The following MICU2 variants were observed in gnomAD, a reference collection of about 807,000 sequenced individuals.
MICU2 encodes the protein calcium uptake protein 2, mitochondrial.
A neutral mutation model predicts 60.4 loss-of-function variants in MICU2; 64 were observed. The ratio of observed to expected loss-of-function variants is 1.06; its 90% CI spans 0.87 to 1.31. The LOEUF (loss-of-function observed/expected upper bound fraction) is 1.31, where lower values mean the gene tolerates loss of function less well. Among genes scored for constraint, MICU2 ranks in the 50% most tolerant of loss-of-function variants. The pLI is 0.00. For synonymous variants in MICU2, 201 were observed against 175.0 expected (o/e 1.15, Z -1.17); for missense variants, 569 against 531.0 (o/e 1.07, Z -0.70).
chr13:21,515,662 T>C (rs1164513192), intron 6 of MICU2: 2 of 305,018 alleles, frequency 6.6e-6, no homozygotes, highest in East Asian at 8.0e-5. Context: ...GACAAACCTC[T>C]ATCCATTTTT....
intron 2 of MICU2, among the ~76,000 whole-genome samples, chr13:21,545,493 C>T (rs967883404): frequency 6.6e-6 from 1 of 152,128 alleles, no homozygotes; most frequent in Non-Finnish European, 1.5e-5. Flanking sequence ...CCAGCCTGAC[C>T]AGCGTGGTGA....
intron 4 of MICU2, among the ~76,000 whole-genome samples, chr13:21,523,030 T>C (rs1054699276): frequency 3.9e-5 from 6 of 152,192 alleles, no homozygotes; most frequent in African/African-American, 1.2e-4. Context: ...ATCCACTCTG[T>C]TGAACAAAAA....
At chr13:21,517,010 T>G (rs1167518996) in intron 6 of MICU2, among the ~76,000 whole-genome samples, 3 of 152,210 alleles carry the variant, frequency 2.0e-5, no homozygotes, top group Non-Finnish European at 4.4e-5. Flanking sequence ...AAGGTAAAGA[T>G]TAAATGGATT....
intron 1 of MICU2, among the ~76,000 whole-genome samples, chr13:21,593,715 A>C (rs1163104958): frequency 6.6e-6 from 1 of 152,188 alleles, no homozygotes; most frequent in Non-Finnish European, 1.5e-5. Context: ...CAGAGACCTC[A>C]GAAATAATGC....
chr13:21,524,074 CAG>C (rs1886790470), intron 4 of MICU2, among the ~76,000 whole-genome samples: 1 of 151,914 alleles, frequency 6.6e-6, no homozygotes, highest in African/African-American at 2.4e-5. Context: ...GCTGCTTACA[CAG>C]AAACGATATC....
At chr13:21,530,914 G>C (rs1344910785) in intron 4 of MICU2, 2 of 760,006 alleles carry the variant, frequency 2.6e-6, no homozygotes, top group East Asian at 4.9e-5. Flanking sequence ...TATAGATCTA[G>C]TGCTGCAGAA....
chr13:21,525,181 A>ATTTTTTTTTTTT lies in MICU2; in HGVS notation c.467-2543_467-2532dup, dbSNP rs71093324. On this transcript the variant is annotated intron_variant, in intron 4 of 11. Coordinates refer to ENST00000382374, the MANE Select transcript of MICU2 (RefSeq NM_152726.3). ...TCATACAGTAATGCTGTGTAATTCA[A>ATTTTTTTTTTTT]TTTTTTTTTTTTTTTTTTTTTTTTT... 2.3e-4 allele frequency among the ~76,000 whole-genome samples: 19 copies of ATTTTTTTTTTTT among 83,306 alleles called. 3 individuals carry two copies. Among genetic ancestry groups the ATTTTTTTTTTTT allele is most frequent in the African/African-American group, 9.3e-4 (18 of 19,404 alleles). 54.7% of individuals were successfully genotyped at this position (83,306 alleles called of 152,430 possible). A position where few individuals can be genotyped will look rare whatever the true frequency, so the allele number is the denominator to read the frequency against.
intron 2 of MICU2, among the ~76,000 whole-genome samples, chr13:21,554,038 C>T (rs1050315207): frequency 4.6e-5 from 7 of 152,118 alleles, no homozygotes; most frequent in African/African-American, 1.7e-4. Flanking sequence ...AAAGCAAGTC[C>T]TTAGTGACCT....
chr13:21,514,291 T>C (rs1886506296), intron 7 of MICU2, 62 bp downstream of exon 7: 1 of 1,386,254 alleles, frequency 7.2e-7, no homozygotes, highest in Admixed American at 2.0e-5. Context: ...CGGGAATATC[T>C]GAACAAACAA....
At chr13:21,596,487 G>A (rs1183159438) in intron 1 of MICU2, among the ~76,000 whole-genome samples, 4 of 151,464 alleles carry the variant, frequency 2.6e-5, no homozygotes, top group Admixed American at 6.6e-5. Context: ...GCAGTGGTGC[G>A]ATCCTGGCTC....
chr13:21,528,098 C>G (rs1886900300), intron 4 of MICU2, among the ~76,000 whole-genome samples: 1 of 152,036 alleles, frequency 6.6e-6, no homozygotes, highest in South Asian at 2.1e-4. Flanking sequence ...TAAAATTATG[C>G]TCAGTTTAAA....
Position 21,493,294 on chromosome 13 carries a change from T to C in MICU2, c.1260A>G (p.Lys420=), listed in dbSNP as rs774525541. ...CTTGTTTCCAGACTTCTTTTACTCC[T>C]TTAATGCTTTCTTTCTTCACACACT... ...YWKCVKKESI[K]GVKEVWKQAG... The change falls in exon 12 of 12, where the codon AAA becomes AAG. Residue 420 remains lysine, a synonymous_variant. Coordinates refer to ENST00000382374, the MANE Select transcript of MICU2 (RefSeq NM_152726.3). The C allele has an allele frequency of 6.2e-7, 1 of 1,611,566 alleles. No individual in the cohort carries two copies. Among genetic ancestry groups the C allele is most frequent in the Admixed American group, 1.7e-5 (1 of 59,664 alleles).
chr13:21,502,562 T>C (rs1886201500), intron 9 of MICU2, among the ~76,000 whole-genome samples: 1 of 152,208 alleles, frequency 6.6e-6, no homozygotes, highest in Admixed American at 6.5e-5. Flanking sequence ...TTGGGTTCTC[T>C]AGGCATATAA....
chr13:21,510,246 A>C (rs1886394679), intron 7 of MICU2, 145 bp from the exon 8 acceptor site: 1 of 399,726 alleles, frequency 2.5e-6, no homozygotes, highest in East Asian at 4.5e-5. Context: ...AGAGGGATAG[A>C]GCCATTCCTT....
At chr13:21,579,094 TCTA>T (rs1888288817) in intron 1 of MICU2, among the ~76,000 whole-genome samples, 2 of 152,144 alleles carry the variant, frequency 1.3e-5, no homozygotes, top group African/African-American at 2.4e-5. Flanking sequence ...ATGAGATATT[TCTA>T]AGATAAAATT....
Position 21,604,165 on chromosome 13 carries a change from CT to C in MICU2, c.-18del. On this transcript the variant is annotated 5_prime_UTR_variant, in exon 1 of 12. Coordinates refer to ENST00000382374, the MANE Select transcript of MICU2 (RefSeq NM_152726.3). ...CGCCGCCATCTTTGCGGAAGCGCAG[CT>C]AGGCGGCGCTTCTCTCCCGGCGCCG... 1 of 1,537,700 alleles carries C rather than the reference CT, an allele frequency of 6.5e-7. No homozygotes were observed. Among genetic ancestry groups the C allele is most frequent in the Non-Finnish European group, 8.7e-7 (1 of 1,146,154 alleles).
At chr13:21,541,863 A>T (rs1049250897) in intron 2 of MICU2, among the ~76,000 whole-genome samples, 2 of 152,192 alleles carry the variant, frequency 1.3e-5, no homozygotes, top group African/African-American at 4.8e-5. Flanking sequence ...TGTATATAAA[A>T]ATTTGATCAT....
chr13:21,579,946 AT>A (rs1888313054), intron 1 of MICU2, among the ~76,000 whole-genome samples: 1 of 152,082 alleles, frequency 6.6e-6, no homozygotes, highest in Non-Finnish European at 1.5e-5. Context: ...TTTTTTGGTT[AT>A]TTTTCTGTTT....
chr13:21,545,573 C>T (rs930251578), intron 2 of MICU2, among the ~76,000 whole-genome samples: 2 of 151,928 alleles, frequency 1.3e-5, no homozygotes, highest in Admixed American at 1.3e-4. Flanking sequence ...CCCAGCTACT[C>T]TGGAGGCTGA....
Sources: gnomAD v4.1 joint callset for allele counts (sites outside exome capture counted in the v4.1 genomes callset) on GRCh38, gnomAD v4.1.1 for gene constraint, MANE v1.5 for transcripts, NCBI Gene and HGNC (gene_info 2026-07-23, HGNC 2026-07-21) for gene names.